SNX30: variants seen among roughly 807,000 people sequenced by gnomAD.
SNX30 encodes sorting nexin-30.
In SNX30, 24 loss-of-function variants were observed where a neutral mutation model predicts 46.4. That is an observed-to-expected ratio of 0.52 (90% CI 0.37 to 0.73). SNX30 has a LOEUF of 0.73. Ranked by LOEUF, SNX30 falls within the 30% of genes least tolerant of loss-of-function variation. The pLI is 0.00. For synonymous variants in SNX30, 189 were observed against 211.5 expected (o/e 0.89, Z 0.92); for missense variants, 533 against 555.7 (o/e 0.96, Z 0.41).
chr9:112,811,009 C>A (rs17821593), intron 2 of SNX30, among the ~76,000 whole-genome samples: 10,343 of 152,182 alleles, frequency 0.068, 450 homozygotes, highest in Non-Finnish European at 0.099. Context: ...AGGCCCGATT[C>A]TCAGGGAGAG....
intron 8 of SNX30, among the ~76,000 whole-genome samples, chr9:112,864,981 ATG>A (rs1472223597): frequency 4.9e-3 from 432 of 88,988 alleles, no homozygotes; most frequent in Non-Finnish European, 6.6e-3. Context: ...GCGCACGCAC[ATG>A]CGCGTGCACA....
At chr9:112,797,433 C>G (rs568425699) in intron 1 of SNX30, among the ~76,000 whole-genome samples, 1 of 151,724 alleles carries the variant, frequency 6.6e-6, no homozygotes, top group Non-Finnish European at 1.5e-5. Context: ...CATCTTGTAT[C>G]ATTTATATCC....
intron 7 of SNX30, among the ~76,000 whole-genome samples, chr9:112,851,952 T>G (rs1297402694): frequency 6.6e-6 from 1 of 152,222 alleles, no homozygotes; most frequent in Non-Finnish European, 1.5e-5. Context: ...AATCATCCTA[T>G]GTCATCCCTT....
chr9:112,829,830 A>G (rs564680840), intron 3 of SNX30, among the ~76,000 whole-genome samples: 1 of 152,092 alleles, frequency 6.6e-6, no homozygotes, highest in East Asian at 1.9e-4. Flanking sequence ...ATGGCGTATC[A>G]TGATGGTTTT....
At chr9:112,818,713 C>A (rs1840444043) in intron 3 of SNX30, among the ~76,000 whole-genome samples, 1 of 152,162 alleles carries the variant, frequency 6.6e-6, no homozygotes, top group African/African-American at 2.4e-5. Flanking sequence ...CCTAGGACTA[C>A]CAACTTTCTG....
Position 112,864,254 on chromosome 9 carries a change from C to T in SNX30, c.1109C>T (p.Ala370Val), listed in dbSNP as rs200154407. Residue 370 changes from alanine to valine, a missense_variant, in exon 8 of 9, where the codon GCG (alanine) becomes GTG (valine). Coordinates refer to ENST00000374232, the MANE Select transcript of SNX30 (RefSeq NM_001012994.2). ...LRKEDRPKVPADVEKCQDRME... is the reference protein window; with the variant it reads ...LRKEDRPKVPVDVEKCQDRME... ...TGTGCCTCCCTTTTCCAGGTACCGG[C>T]GGACGTCGAGAAATGTCAGGATCGG... 50 of 1,613,760 alleles carry T rather than the reference C, an allele frequency of 3.1e-5. No homozygotes were observed. Among genetic ancestry groups the T allele is most frequent in the African/African-American group, 1.9e-4 (14 of 74,902 alleles).
intron 1 of SNX30, among the ~76,000 whole-genome samples, chr9:112,770,461 G>A (rs546075722): frequency 3.3e-5 from 5 of 151,766 alleles, no homozygotes; most frequent in African/African-American, 4.8e-5. Flanking sequence ...ATGAGCCACC[G>A]CGCCTGGCCT....
At chr9:112,834,220 C>T (rs1295983784) in intron 4 of SNX30, among the ~76,000 whole-genome samples, 2 of 152,104 alleles carry the variant, frequency 1.3e-5, no homozygotes, top group East Asian at 3.9e-4. Context: ...AGCTGGATGT[C>T]CACCAGTTTA....
chr9:112,793,988 A>AT (rs1241095943), intron 1 of SNX30, among the ~76,000 whole-genome samples: 2 of 150,194 alleles, frequency 1.3e-5, no homozygotes, highest in African/African-American at 5.0e-5. Flanking sequence ...AGCCTTTGGG[A>AT]TTTTTCTAGG....
intron 1 of SNX30, among the ~76,000 whole-genome samples, chr9:112,786,237 C>T (rs1839923348): frequency 6.6e-6 from 1 of 151,868 alleles, no homozygotes; most frequent in Non-Finnish European, 1.5e-5. Context: ...ACCACCTCAG[C>T]CTCCTGAGTA....
At chr9:112,865,622 G>A (rs1456755104) in intron 8 of SNX30, among the ~76,000 whole-genome samples, 4 of 56,220 alleles carry the variant, frequency 7.1e-5, no homozygotes, top group East Asian at 5.2e-4. Flanking sequence ...ATCCTGTCAC[G>A]CCATATATAT....
chr9:112,829,048 G>A (rs964892408), intron 3 of SNX30, among the ~76,000 whole-genome samples: 2 of 152,202 alleles, frequency 1.3e-5, no homozygotes, highest in East Asian at 3.9e-4. Context: ...TTACCATAAT[G>A]TTTCCAGGGT....
intron 1 of SNX30, among the ~76,000 whole-genome samples, chr9:112,771,637 C>T (rs1403739739): frequency 6.6e-6 from 1 of 152,142 alleles, no homozygotes; most frequent in Non-Finnish European, 1.5e-5. Context: ...TTCCCTCTCT[C>T]TTTCTAATTT....
chr9:112,807,847 T>C (rs1000961437), intron 2 of SNX30, among the ~76,000 whole-genome samples: 3 of 152,244 alleles, frequency 2.0e-5, no homozygotes, highest in Non-Finnish European at 4.4e-5. Context: ...TGTGTTCTTA[T>C]TTCTATCCCT....
chr9:112,788,573 A>G (rs1418202040), intron 1 of SNX30, among the ~76,000 whole-genome samples: 1 of 152,182 alleles, frequency 6.6e-6, no homozygotes, highest in Non-Finnish European at 1.5e-5. Context: ...GGCTCCTCAC[A>G]CACCACTCGA....
chr9:112,774,996 C>T (rs977400032), intron 1 of SNX30, among the ~76,000 whole-genome samples: 36 of 151,660 alleles, frequency 2.4e-4, no homozygotes, highest in Non-Finnish European at 2.1e-4. Context: ...AGACGTGTGC[C>T]ACCACGCCTG....
intron 6 of SNX30, among the ~76,000 whole-genome samples, chr9:112,840,115 G>A (rs147372989): frequency 6.6e-5 from 10 of 152,294 alleles, no homozygotes; most frequent in African/African-American, 9.6e-5. Flanking sequence ...TCATGTGTGC[G>A]TTATAAAGTT....
chr9:112,785,498 C>G (rs1224116769), intron 1 of SNX30, among the ~76,000 whole-genome samples: 1 of 151,850 alleles, frequency 6.6e-6, no homozygotes. Context: ...ATTCTCATGC[C>G]TTAGCCTCCT....
intron 1 of SNX30, among the ~76,000 whole-genome samples, chr9:112,765,479 G>A (rs982412495): frequency 6.6e-6 from 1 of 152,120 alleles, no homozygotes. Flanking sequence ...CCTGGCAACT[G>A]CTAATCTGCC....
Sources: allele counts gnomAD v4.1 joint callset (sites outside exome capture counted in the v4.1 genomes callset), GRCh38; gene constraint gnomAD v4.1.1; transcripts MANE v1.5; gene names NCBI Gene and HGNC (gene_info 2026-07-23, HGNC 2026-07-21).